The following AKT3 variants were observed in gnomAD, a reference collection of about 807,000 sequenced individuals.
AKT3 encodes AKT serine/threonine kinase 3, also known as RAC-gamma serine/threonine-protein kinase.
AKT3 carries 15 observed loss-of-function variants against 65.3 expected under a neutral mutation model. That is an observed-to-expected ratio of 0.23 (90% CI 0.15 to 0.35). The LOEUF (loss-of-function observed/expected upper bound fraction) is 0.35. AKT3 is among the 10% of genes least tolerant of loss of function. AKT3 has a pLI of 1.00. For missense variants in AKT3, 243 were observed against 576.5 expected (o/e 0.42, Z 5.92); for synonymous variants, 206 against 183.8 (o/e 1.12, Z -0.98).
intron 2 of AKT3, among the ~76,000 whole-genome samples, chr1:243,825,406 A>T (rs1459808017): frequency 1.3e-5 from 2 of 152,238 alleles, no homozygotes; most frequent in Non-Finnish European, 1.5e-5. Context: ...GAACTTAAAA[A>T]AATCACAATG....
intron 13 of AKT3, among the ~76,000 whole-genome samples, chr1:243,511,976 G>A (rs1246071756): frequency 6.6e-6 from 1 of 152,200 alleles, no homozygotes; most frequent in Non-Finnish European, 1.5e-5. Context: ...GGGAATGAAC[G>A]AAGTCTAGGA....
chr1:243,619,006 CAA>C (rs1288694871), intron 6 of AKT3, among the ~76,000 whole-genome samples: 1 of 152,106 alleles, frequency 6.6e-6, no homozygotes, highest in African/African-American at 2.4e-5. Context: ...TTCTACTTCA[CAA>C]AACTGCCTCC....
chr1:243,634,106 T>C (rs1679803501), intron 6 of AKT3, among the ~76,000 whole-genome samples: 1 of 152,088 alleles, frequency 6.6e-6, no homozygotes, highest in Non-Finnish European at 1.5e-5. Flanking sequence ...ACTTCCCTAG[T>C]ATCAAATAGC....
chr1:243,507,288 C>A (rs1669733044), intron 13 of AKT3, among the ~76,000 whole-genome samples: 1 of 152,236 alleles, frequency 6.6e-6, no homozygotes, highest in Non-Finnish European at 1.5e-5. Flanking sequence ...AGGAGGGACT[C>A]TTGCTGGTGT....
At chr1:243,586,802 G>T (rs942224766) in intron 8 of AKT3, among the ~76,000 whole-genome samples, 1 of 151,912 alleles carries the variant, frequency 6.6e-6, no homozygotes, top group African/African-American at 2.4e-5. Context: ...GGGATCATTT[G>T]TATGCCAAAC....
chr1:243,581,554 T>A (rs947885791), intron 8 of AKT3, among the ~76,000 whole-genome samples: 2 of 151,782 alleles, frequency 1.3e-5, no homozygotes, highest in East Asian at 1.9e-4. Context: ...GAGAAAAAAA[T>A]ATATAATAAC....
intron 13 of AKT3, among the ~76,000 whole-genome samples, chr1:243,492,520 T>G (rs1666752409): frequency 6.6e-6 from 1 of 151,234 alleles, no homozygotes; most frequent in Non-Finnish European, 1.5e-5. Context: ...GCCAGGCTGG[T>G]CTTGAACTCC....
intron 11 of AKT3, among the ~76,000 whole-genome samples, chr1:243,550,890 C>T (rs1258420340): frequency 3.3e-5 from 4 of 120,488 alleles, no homozygotes; most frequent in South Asian, 2.9e-4. Flanking sequence ...ACCCAGGAGG[C>T]GGAGGTTGCA....
intron 2 of AKT3, among the ~76,000 whole-genome samples, chr1:243,758,981 C>A (rs1247301729): frequency 6.6e-6 from 1 of 152,140 alleles, no homozygotes; most frequent in Non-Finnish European, 1.5e-5. Context: ...AGAGCCAAAT[C>A]ATTCTGACTT....
At chr1:243,834,928 T>C (rs552426050) in intron 2 of AKT3, among the ~76,000 whole-genome samples, 11 of 152,256 alleles carry the variant, frequency 7.2e-5, no homozygotes, top group Non-Finnish European at 1.2e-4. Flanking sequence ...GTTTATAACA[T>C]GGTGATATAC....
intron 8 of AKT3, among the ~76,000 whole-genome samples, chr1:243,574,726 T>C (rs904656559): frequency 2.6e-5 from 4 of 152,168 alleles, no homozygotes; most frequent in African/African-American, 9.6e-5. Context: ...GAAGGAGCCA[T>C]GTTTTCCAGG....
At chr1:243,792,452 C>T (rs866449401) in intron 2 of AKT3, among the ~76,000 whole-genome samples, 28 of 152,084 alleles carry the variant, frequency 1.8e-4, no homozygotes, top group African/African-American at 6.5e-4. Context: ...TATATATAAC[C>T]CGGACTATGA....
intron 3 of AKT3, among the ~76,000 whole-genome samples, chr1:243,671,359 C>T (rs970136767): frequency 8.5e-5 from 13 of 152,064 alleles, no homozygotes; most frequent in Non-Finnish European, 7.4e-5. Flanking sequence ...GGATTACAGG[C>T]GTGAGCCACT....
intron 2 of AKT3, among the ~76,000 whole-genome samples, chr1:243,744,138 G>A (rs528814221): frequency 6.6e-6 from 1 of 152,230 alleles, no homozygotes; most frequent in African/African-American, 2.4e-5. Flanking sequence ...ACAGCAATGG[G>A]CCTGAATGAA....
chr1:243,682,215 T>C (rs1221254297), intron 3 of AKT3, among the ~76,000 whole-genome samples: 1 of 152,094 alleles, frequency 6.6e-6, no homozygotes, highest in African/African-American at 2.4e-5. Flanking sequence ...ACACTACAGT[T>C]GCCTTATCAC....
intron 2 of AKT3, among the ~76,000 whole-genome samples, chr1:243,726,086 G>T (rs1046750875): frequency 1.3e-5 from 2 of 151,772 alleles, no homozygotes; most frequent in Non-Finnish European, 2.9e-5. Context: ...TGTCTAGTAT[G>T]CTGGTGGGTG....
At chr1:243,700,481 T>A (rs1356480312) in intron 2 of AKT3, among the ~76,000 whole-genome samples, 2 of 151,344 alleles carry the variant, frequency 1.3e-5, no homozygotes, top group Admixed American at 1.3e-4. Context: ...AAATACTGCA[T>A]TATTTTGGAC....
At chr1:243,729,891 C>T (rs1390553454) in intron 2 of AKT3, among the ~76,000 whole-genome samples, 2 of 152,086 alleles carry the variant, frequency 1.3e-5, no homozygotes, top group African/African-American at 2.4e-5. Flanking sequence ...TTCATCTTGC[C>T]TGTATTTTCC....
At chr1:243,622,085 A>G (rs891856529) in intron 6 of AKT3, among the ~76,000 whole-genome samples, 6 of 152,218 alleles carry the variant, frequency 3.9e-5, no homozygotes, top group African/African-American at 1.4e-4. Flanking sequence ...CTTCATTCAC[A>G]GTAAAAGCCA....
Sources: gnomAD v4.1 joint callset for allele counts (sites outside exome capture counted in the v4.1 genomes callset) on GRCh38, gnomAD v4.1.1 for gene constraint, MANE v1.5 for transcripts, NCBI Gene and HGNC (gene_info 2026-07-23, HGNC 2026-07-21) for gene names.